TICAM2: variants seen among roughly 807,000 people sequenced by gnomAD.
TICAM2 encodes the protein TIR domain-containing adapter molecule 2.
TICAM2 carries 8 observed loss-of-function variants against 7.3 expected under a neutral mutation model. The ratio of observed to expected loss-of-function variants is 1.10; its 90% CI spans 0.65 to 1.99. TICAM2 has a LOEUF of 1.99. Ranked by LOEUF, TICAM2 falls within the 30% of genes most tolerant of loss-of-function variation. The pLI is 0.00. For synonymous variants in TICAM2, 113 were observed against 99.6 expected (o/e 1.13, Z -0.80); for missense variants, 304 against 278.8 (o/e 1.09, Z -0.65).
intron 1 of TICAM2, among the ~76,000 whole-genome samples, chr5:115,585,271 T>G (rs933357251): frequency 2.0e-5 from 3 of 152,320 alleles, no homozygotes; most frequent in Admixed American, 6.5e-5. Context: ...ACAAAGAAGC[T>G]AAAACATTTA....
intron 1 of TICAM2, among the ~76,000 whole-genome samples, chr5:115,582,699 C>A (rs1447047162): frequency 6.6e-6 from 1 of 152,102 alleles, no homozygotes; most frequent in Non-Finnish European, 1.5e-5. Flanking sequence ...CAAATGTGAG[C>A]CACAGACTAT....
At chr5:115,591,383 TCA>T (rs1365406141) in intron 1 of TICAM2, among the ~76,000 whole-genome samples, 3 of 152,166 alleles carry the variant, frequency 2.0e-5, no homozygotes, top group South Asian at 4.1e-4. Context: ...ATTAAAGTGA[TCA>T]CAGATTGTTA....
Position 115,579,237 on chromosome 5 carries a change from T to A in TICAM2, c.*1312A>T, listed in dbSNP as rs1312833493. 1 of 152,674 alleles carries A rather than the reference T, an allele frequency of 6.5e-6. No individual in the cohort carries two copies. Among genetic ancestry groups the A allele is most frequent in the African/African-American group, 2.4e-5 (1 of 41,466 alleles). 9.5% of individuals were successfully genotyped at this position (152,674 alleles called of 1,614,324 possible). On this transcript the variant is annotated 3_prime_UTR_variant, in exon 2 of 2. Coordinates refer to ENST00000427199, the MANE Select transcript of TICAM2 (RefSeq NM_021649.7). Reference sequence around the variant, plus strand: ...TCTGCAACTATTACATATCACTTTATCGAATCCAAACTTTTTTGCTTGTTC... The same window carrying A: ...TCTGCAACTATTACATATCACTTTAACGAATCCAAACTTTTTTGCTTGTTC...
At chr5:115,591,476 T>C (rs1043289609) in intron 1 of TICAM2, among the ~76,000 whole-genome samples, 3 of 152,214 alleles carry the variant, frequency 2.0e-5, no homozygotes, top group Non-Finnish European at 2.9e-5. Flanking sequence ...CAGCTGACAA[T>C]AGAAATAAAT....
chr5:115,592,641 C>G (rs1755351461), intron 1 of TICAM2, among the ~76,000 whole-genome samples: 1 of 152,134 alleles, frequency 6.6e-6, no homozygotes, highest in Non-Finnish European at 1.5e-5. Context: ...TTCCCCAACT[C>G]ATGTTTATGA....
chr5:115,598,020 G>A (rs900070904), intron 1 of TICAM2, among the ~76,000 whole-genome samples: 4 of 151,986 alleles, frequency 2.6e-5, no homozygotes, highest in Non-Finnish European at 5.9e-5. Context: ...AAGAACTCAC[G>A]TGTTCTTCAC....
At chr5:115,598,796 T>C (rs1459542988) in intron 1 of TICAM2, among the ~76,000 whole-genome samples, 3 of 152,198 alleles carry the variant, frequency 2.0e-5, no homozygotes, top group Non-Finnish European at 4.4e-5. Context: ...GAAGGGGTGA[T>C]AGTACATACG....
rs550891666 is a variant in TICAM2, at chr5:115,590,171, G to C, written c.-59-8856C>G. Among the ~76,000 whole-genome samples, 4 of 152,096 alleles carry C rather than the reference G, an allele frequency of 2.6e-5. No homozygotes were observed. The South Asian group carries it at 6.2e-4, about 24-fold the overall frequency. On this transcript the variant is annotated intron_variant, in intron 1 of 1. Coordinates refer to ENST00000427199, the MANE Select transcript of TICAM2 (RefSeq NM_021649.7). ...GAGACCAGCCTGGGCAACAAAGCAA[G>C]ACCCCATGACTACAAAAAACATTTA...
intron 1 of TICAM2, among the ~76,000 whole-genome samples, chr5:115,594,073 T>C (rs1474658027): frequency 1.3e-5 from 2 of 152,232 alleles, no homozygotes; most frequent in Non-Finnish European, 2.9e-5. Flanking sequence ...TCATGCTTGG[T>C]CCTTTTCTCT....
intron 1 of TICAM2, among the ~76,000 whole-genome samples, chr5:115,594,307 T>C (rs1392948447): frequency 1.3e-5 from 2 of 152,266 alleles, no homozygotes; most frequent in South Asian, 2.1e-4. Context: ...TGTGTATGTA[T>C]ACATACATAT....
In TICAM2 at chr5:115,578,821, T is replaced by C. The variant is rs1039017786; in HGVS notation, c.*1728A>G. 1 of 152,044 alleles carries C rather than the reference T, an allele frequency of 6.6e-6. No individual in the cohort carries two copies. The highest frequency in any genetic ancestry group is 2.4e-5 in the African/African-American group (1 of 41,376). The allele number at this position is 152,044 out of a possible 1,614,324, so 9.4% of individuals were successfully genotyped here. A position where few individuals can be genotyped will look rare whatever the true frequency, so the allele number is the denominator to read the frequency against. ...ATGAAAACTGAAAAAGAGAAGTGAG[T>C]AGTAAGCTACTATCAGAACGTTAAG... On this transcript the variant is annotated 3_prime_UTR_variant, in exon 2 of 2. Transcript: ENST00000427199.
chr5:115,582,505 AT>A (rs759136595), intron 1 of TICAM2, among the ~76,000 whole-genome samples: 10 of 152,100 alleles, frequency 6.6e-5, no homozygotes, highest in Non-Finnish European at 1.0e-4. Flanking sequence ...AAAATTCTAA[AT>A]TCAGAGTGGA....
intron 1 of TICAM2, among the ~76,000 whole-genome samples, chr5:115,590,577 ACTTT>A (rs1755265895): frequency 1.3e-5 from 2 of 152,190 alleles, no homozygotes; most frequent in Non-Finnish European, 2.9e-5. Context: ...ACTCAAGTTC[ACTTT>A]CTTTATTACC....
chr5:115,586,333 T>G (rs1290576231), intron 1 of TICAM2, among the ~76,000 whole-genome samples: 1 of 151,826 alleles, frequency 6.6e-6, no homozygotes, highest in East Asian at 1.9e-4. Context: ...TTATGGCAAT[T>G]TGTTAGTCAC....
chr5:115,585,736 C>T (rs1290663123), intron 1 of TICAM2, among the ~76,000 whole-genome samples: 4 of 152,108 alleles, frequency 2.6e-5, no homozygotes, highest in South Asian at 2.1e-4. Flanking sequence ...AGGAGATAAG[C>T]GAGAGCAGAA....
chr5:115,590,137 C>T (rs1755248545), intron 1 of TICAM2, among the ~76,000 whole-genome samples: 1 of 151,964 alleles, frequency 6.6e-6, no homozygotes, highest in Non-Finnish European at 1.5e-5. Flanking sequence ...CACTTATGGC[C>T]AGGAGTTTGA....
chr5:115,581,779 CACAAA>C, intron 1 of TICAM2: 1 of 156,966 alleles, frequency 6.4e-6, no homozygotes, highest in Non-Finnish European at 1.4e-5. Flanking sequence ...CAAAATAGAA[CACAAA>C]TATCCTAACA....
intron 1 of TICAM2, among the ~76,000 whole-genome samples, chr5:115,595,960 G>A (rs530845345): frequency 3.9e-5 from 6 of 152,222 alleles, no homozygotes; most frequent in South Asian, 2.1e-4. Context: ...GTATTGCCCA[G>A]CACTCTTAAT....
chr5:115,587,689 GTGGGT>G (rs1343328955), intron 1 of TICAM2, among the ~76,000 whole-genome samples: 1 of 152,202 alleles, frequency 6.6e-6, no homozygotes, highest in Non-Finnish European at 1.5e-5. Flanking sequence ...TCAGGATGGA[GTGGGT>G]TGGGGGTGAC....
Sources: gnomAD v4.1 joint callset for allele counts (sites outside exome capture counted in the v4.1 genomes callset) on GRCh38, gnomAD v4.1.1 for gene constraint, MANE v1.5 for transcripts, NCBI Gene and HGNC (gene_info 2026-07-23, HGNC 2026-07-21) for gene names.